The following ATXN1 variants were observed in gnomAD, a reference collection of about 807,000 sequenced individuals.
The protein encoded by ATXN1 is ataxin 1, also known as ataxin-1.
Under a neutral mutation model 56.4 loss-of-function variants are expected in ATXN1, and 8 were observed. The ratio of observed to expected loss-of-function variants is 0.14; its 90% CI spans 0.08 to 0.26. The LOEUF (loss-of-function observed/expected upper bound fraction) is 0.26. ATXN1 is among the 10% of genes least tolerant of loss of function. ATXN1 has a pLI of 1.00. For missense variants in ATXN1, 987 were observed against 1,106.5 expected, an observed-to-expected ratio of 0.89 and a Z score of 1.53; for synonymous variants, 514 against 494.6, an observed-to-expected ratio of 1.04 and a Z score of -0.52.
At chr6:16,337,336 G>C (rs772669390) in intron 6 of ATXN1, among the ~76,000 whole-genome samples, 3 of 152,226 alleles carry the variant, frequency 2.0e-5, no homozygotes, top group Non-Finnish European at 4.4e-5. Context: ...CCCCTGCGTG[G>C]CTCATGGCAC....
chr6:16,532,704 C>CA (rs1321076519), intron 4 of ATXN1, among the ~76,000 whole-genome samples: 4 of 151,412 alleles, frequency 2.6e-5, no homozygotes, highest in African/African-American at 4.9e-5. Context: ...TGATTAACAA[C>CA]AAAAAAAACA....
At chr6:16,533,442 G>C (rs888757335) in intron 4 of ATXN1, among the ~76,000 whole-genome samples, 9 of 152,118 alleles carry the variant, frequency 5.9e-5, no homozygotes, top group Non-Finnish European at 1.0e-4. Flanking sequence ...GAATGTGAGA[G>C]CTCCTTTGAT....
At chr6:16,733,042 C>T (rs1043940390) in intron 2 of ATXN1, among the ~76,000 whole-genome samples, 2 of 152,152 alleles carry the variant, frequency 1.3e-5, no homozygotes, top group Non-Finnish European at 2.9e-5. Flanking sequence ...ATTTTCCAAC[C>T]GATGAAAGAA....
rs1207641838 is a variant in ATXN1, at chr6:16,301,266, A to C, written c.*5063T>G. ...TTCTTCAGCTTCTCAAATCAGGTGT[A>C]CATTTAAAAAAAAATTCCCACAAGG... On this transcript the variant is annotated 3_prime_UTR_variant, in exon 8 of 8. Transcript: ENST00000436367. 6.6e-6 allele frequency: 1 copy of C among 152,630 alleles called. No homozygotes were observed. The highest frequency in any genetic ancestry group is 1.5e-5 in the Non-Finnish European group (1 of 68,038). 9.5% of individuals were successfully genotyped at this position (152,630 alleles called of 1,614,324 possible). A position where few individuals can be genotyped will look rare whatever the true frequency, so the allele number is the denominator to read the frequency against.
At chr6:16,469,413 G>A (rs1760172930) in intron 6 of ATXN1, among the ~76,000 whole-genome samples, 1 of 152,218 alleles carries the variant, frequency 6.6e-6, no homozygotes, top group Admixed American at 6.5e-5. Context: ...ACACCAAGGT[G>A]CTAATATCTT....
chr6:16,759,047 G>A (rs932754880), intron 1 of ATXN1, among the ~76,000 whole-genome samples: 1 of 152,184 alleles, frequency 6.6e-6, no homozygotes, highest in African/African-American at 2.4e-5. Flanking sequence ...GGGCTTAAGG[G>A]GGGCTTCTAG....
At chr6:16,399,461 GCAAA>G (rs1186090118) in intron 6 of ATXN1, among the ~76,000 whole-genome samples, 12 of 152,194 alleles carry the variant, frequency 7.9e-5, no homozygotes, top group African/African-American at 2.9e-4. Context: ...TCAAATAAAG[GCAAA>G]CACTTTCTCA....
At chr6:16,563,477 G>A (rs532725208) in intron 4 of ATXN1, among the ~76,000 whole-genome samples, 2 of 152,134 alleles carry the variant, frequency 1.3e-5, no homozygotes, top group Non-Finnish European at 2.9e-5. Flanking sequence ...CAGGAATACG[G>A]AGCCTGAAGA....
At chr6:16,437,905 C>T (rs896888687) in intron 6 of ATXN1, among the ~76,000 whole-genome samples, 14 of 152,274 alleles carry the variant, frequency 9.2e-5, no homozygotes, top group African/African-American at 3.4e-4. Context: ...CACACTAATT[C>T]TGGCCTTGGC....
rs917224799 is a variant in ATXN1 at position 16,676,772 on chromosome 6, G to A, written c.-614-18871C>T. ...AAATAATTTTAGTATGATTCCTTCTGGTTGGAAACATCTTCCTACCAGATT... is the reference window on the plus strand; with the variant it reads ...AAATAATTTTAGTATGATTCCTTCTAGTTGGAAACATCTTCCTACCAGATT... On this transcript the variant is annotated intron_variant, in intron 2 of 7. Coordinates refer to ENST00000436367, the MANE Select transcript of ATXN1 (RefSeq NM_001128164.2). Among the ~76,000 whole-genome samples, 7 of 152,222 alleles carry A rather than the reference G, an allele frequency of 4.6e-5. 2 individuals carry two copies. The highest frequency in any genetic ancestry group is 4.6e-4 in the Admixed American group (7 of 15,290).
At chr6:16,444,860 C>A (rs572305413) in intron 6 of ATXN1, among the ~76,000 whole-genome samples, 1 of 152,292 alleles carries the variant, frequency 6.6e-6, no homozygotes, top group African/African-American at 2.4e-5. Flanking sequence ...AACTATGAAG[C>A]AGTCAGGCAA....
At chr6:16,753,848 GA>G (rs1367520508) in intron 1 of ATXN1, among the ~76,000 whole-genome samples, 3 of 152,052 alleles carry the variant, frequency 2.0e-5, no homozygotes, top group African/African-American at 7.2e-5. Flanking sequence ...AAAAAATGCA[GA>G]AAAAAAGTGT....
chr6:16,558,612 G>A (rs1355043464), intron 4 of ATXN1, among the ~76,000 whole-genome samples: 1 of 152,072 alleles, frequency 6.6e-6, no homozygotes, highest in Non-Finnish European at 1.5e-5. Flanking sequence ...CTCAAGTGAT[G>A]CTCTCGCCTT....
At chr6:16,479,733 A>C (rs1011070384) in intron 6 of ATXN1, among the ~76,000 whole-genome samples, 1 of 152,196 alleles carries the variant, frequency 6.6e-6, no homozygotes, top group African/African-American at 2.4e-5. Flanking sequence ...ACCACCTAAA[A>C]AATACATCTT....
intron 6 of ATXN1, among the ~76,000 whole-genome samples, chr6:16,466,402 T>C (rs56096746): frequency 0.27 from 39,400 of 148,090 alleles, 6,300 homozygotes; most frequent in Non-Finnish European, 0.35. Flanking sequence ...TCAAGTAGGG[T>C]TCCTAGATTT....
intron 3 of ATXN1, among the ~76,000 whole-genome samples, chr6:16,599,508 C>A (rs781147912): frequency 3.3e-5 from 5 of 151,730 alleles, no homozygotes; most frequent in South Asian, 4.2e-4. Context: ...GTCAGAAGAT[C>A]GAAACCATCC....
At chr6:16,395,664 T>C (rs1758440405) in intron 6 of ATXN1, among the ~76,000 whole-genome samples, 2 of 152,216 alleles carry the variant, frequency 1.3e-5, no homozygotes, top group Admixed American at 1.3e-4. Context: ...TACTGGTTTG[T>C]GTATTTACGA....
At chr6:16,479,775 C>T (rs1034277228) in intron 6 of ATXN1, among the ~76,000 whole-genome samples, 2 of 152,146 alleles carry the variant, frequency 1.3e-5, no homozygotes, top group Non-Finnish European at 2.9e-5. Context: ...GTACAAAGTT[C>T]AGTTGGAAAC....
At chr6:16,737,178 G>T (rs577259728) in intron 2 of ATXN1, 1 of 152,176 alleles carries the variant, frequency 6.6e-6, no homozygotes, top group Non-Finnish European at 1.5e-5. Context: ...AAGTACAGAC[G>T]TTTCTGCCAA....
Sources: allele counts gnomAD v4.1 joint callset (sites outside exome capture counted in the v4.1 genomes callset), GRCh38; gene constraint gnomAD v4.1.1; transcripts MANE v1.5; gene names NCBI Gene and HGNC (gene_info 2026-07-23, HGNC 2026-07-21).